Variants in HDAC8 observed in about 807,000 individuals in gnomAD.
The protein encoded by HDAC8 is histone deacetylase 8, also known as histone deacetylase-like 1.
Under a neutral mutation model 32.2 loss-of-function variants are expected in HDAC8, and 1 was observed. That is an observed-to-expected ratio of 0.03 (90% CI 0.01 to 0.15). The LOEUF is 0.15. HDAC8 is among the 10% of genes least tolerant of loss of function. The probability of loss-of-function intolerance (pLI) is 1.00; values close to 1 mark genes in which losing one functional copy is unlikely to be tolerated. For missense variants in HDAC8, 117 were observed against 300.0 expected (o/e 0.39, Z 4.51); for synonymous variants, 108 against 113.9 (o/e 0.95, Z 0.33).
intron 9 of HDAC8, among the ~76,000 whole-genome samples, chrX:72,373,312 ACTAT>A (rs1312947248): frequency 8.9e-6 from 1 of 112,010 alleles, no homozygotes; most frequent in African/African-American, 3.2e-5. Flanking sequence ...TTGTGCAACC[ACTAT>A]CTAATTCCAG....
At chrX:72,481,547 G>C (rs186335231) in intron 7 of HDAC8, among the ~76,000 whole-genome samples, 1 of 110,665 alleles carries the variant, frequency 9.0e-6, no homozygotes, top group Non-Finnish European at 1.9e-5. Context: ...ACATCACCAG[G>C]CCTAAAGGAG....
intron 10 of HDAC8, among the ~76,000 whole-genome samples, chrX:72,350,762 C>T (rs1400088271): frequency 8.9e-6 from 1 of 112,372 alleles, no homozygotes; most frequent in African/African-American, 3.2e-5. Context: ...ATGCTGAGGA[C>T]AGTGACCCCA....
intron 9 of HDAC8, among the ~76,000 whole-genome samples, chrX:72,454,336 G>T (rs1347388826): frequency 1.8e-5 from 2 of 110,888 alleles, no homozygotes; most frequent in African/African-American, 6.6e-5. Context: ...GGGATATAAG[G>T]GGTGTTGTCC....
intron 9 of HDAC8, among the ~76,000 whole-genome samples, chrX:72,433,846 G>A (rs912917891): frequency 1.4e-4 from 16 of 112,114 alleles, no homozygotes; most frequent in African/African-American, 5.2e-4. Flanking sequence ...CCTCTTCCTG[G>A]TTGTCAGGAT....
Position 72,557,603 on chromosome X carries a change from T to C in HDAC8, c.437+10286A>G, listed in dbSNP as rs188549787. Among the ~76,000 whole-genome samples, 34 of 110,564 alleles carry C rather than the reference T, an allele frequency of 3.1e-4. No homozygotes were observed. In the East Asian group the frequency reaches 8.6e-3, roughly 28 times the overall value. On this transcript the variant is annotated intron_variant, in intron 4 of 10. Coordinates refer to ENST00000373573, the MANE Select transcript of HDAC8 (RefSeq NM_018486.3). ...CTAAGGGGAAATGCCCCTTAGCAAA[T>C]GCATTGAATACCTACATTAAAAAGT...
chrX:72,411,139 C>A (rs782382304), intron 9 of HDAC8, among the ~76,000 whole-genome samples: 6 of 109,050 alleles, frequency 5.5e-5, no homozygotes, highest in African/African-American at 2.0e-4. Flanking sequence ...AATTCTCCTG[C>A]CTCAGCCTCC....
At chrX:72,383,126 C>T (rs782369611) in intron 9 of HDAC8, among the ~76,000 whole-genome samples, 1 of 112,090 alleles carries the variant, frequency 8.9e-6, no homozygotes, top group Non-Finnish European at 1.9e-5. Context: ...ATTCATTCAT[C>T]GAAAGTCTGC....
At chrX:72,441,996 A>C (rs2047167865) in intron 9 of HDAC8, among the ~76,000 whole-genome samples, 1 of 111,178 alleles carries the variant, frequency 9.0e-6, no homozygotes, top group Non-Finnish European at 1.9e-5. Context: ...AAAAGAATAA[A>C]AAGAAATGAA....
intron 9 of HDAC8, among the ~76,000 whole-genome samples, chrX:72,435,414 G>C (rs2046921408): frequency 1.8e-5 from 2 of 111,193 alleles, no homozygotes; most frequent in Admixed American, 9.5e-5. Context: ...ATTTGAATGA[G>C]AACAGACAAC....
Position 72,329,554 on chromosome X carries a change from A to G in HDAC8, c.*500T>C, listed in dbSNP as rs1555939376. 1.4e-6 allele frequency: 1 copy of G among 740,651 alleles called. No homozygotes were observed. Among genetic ancestry groups the G allele is most frequent in the African/African-American group, 2.2e-5 (1 of 45,906 alleles). 61.0% of individuals were successfully genotyped at this position (740,651 alleles called of 1,213,427 possible). A position where few individuals can be genotyped will look rare whatever the true frequency, so the allele number is the denominator to read the frequency against. On this transcript the variant is annotated 3_prime_UTR_variant, in exon 11 of 11. Transcript: ENST00000373573. ...ATTTTATTAAAAAAACCAAAGATAT[A>G]TAACACTAAAACAACACCAGCGGAC...
intron 9 of HDAC8, among the ~76,000 whole-genome samples, chrX:72,386,244 T>C (rs183699814): frequency 1.8e-5 from 2 of 111,499 alleles, no homozygotes; most frequent in Non-Finnish European, 1.9e-5. Flanking sequence ...AAAAAGCAGA[T>C]TGCAAAACAA....
intron 9 of HDAC8, among the ~76,000 whole-genome samples, chrX:72,391,103 G>C (rs182932321): frequency 8.0e-5 from 9 of 112,058 alleles, no homozygotes; most frequent in Admixed American, 7.6e-4. Context: ...GTATTAGCCA[G>C]TATCACTAAA....
chrX:72,355,231 G>A (rs1467669246), intron 9 of HDAC8, among the ~76,000 whole-genome samples: 4 of 112,202 alleles, frequency 3.6e-5, no homozygotes, highest in African/African-American at 9.7e-5. Flanking sequence ...TGTTGGAGTG[G>A]AGGGATTTGG....
At chrX:72,471,790 T>G (rs782814724) in intron 7 of HDAC8, among the ~76,000 whole-genome samples, 1 of 112,106 alleles carries the variant, frequency 8.9e-6, no homozygotes, top group East Asian at 2.8e-4. Context: ...ACTCCCATTC[T>G]GTGGGTTATC....
At chrX:72,427,602 T>TGGGGGG (rs58102359) in intron 9 of HDAC8, among the ~76,000 whole-genome samples, 25 of 32,960 alleles carry the variant, frequency 7.6e-4, no homozygotes, top group African/African-American at 1.1e-3. Context: ...TGTTGTGGGG[T>TGGGGGG]GGGGGGGGGG....
At chrX:72,388,782 T>C in intron 9 of HDAC8, among the ~76,000 whole-genome samples, 1 of 110,972 alleles carries the variant, frequency 9.0e-6, no homozygotes, top group Admixed American at 9.6e-5. Flanking sequence ...AAAATTAGTG[T>C]CCTTATGAGT....
At chrX:72,559,598 C>T (rs1308103584) in intron 4 of HDAC8, among the ~76,000 whole-genome samples, 3 of 107,321 alleles carry the variant, frequency 2.8e-5, no homozygotes, top group Non-Finnish European at 5.8e-5. Flanking sequence ...TGCCTCTTCC[C>T]GGCCGCCATC....
intron 4 of HDAC8, among the ~76,000 whole-genome samples, chrX:72,554,753 C>T (rs933865726): frequency 5.4e-5 from 6 of 111,865 alleles, no homozygotes; most frequent in African/African-American, 1.9e-4. Context: ...CTCAGACACA[C>T]ACCTACCCCT....
chrX:72,374,599 G>A lies in HDAC8; in HGVS notation c.1006-22761C>T, dbSNP rs782278275. On this transcript the variant is annotated intron_variant, in intron 9 of 10. Coordinates refer to ENST00000373573, the MANE Select transcript of HDAC8 (RefSeq NM_018486.3). ...AGGCAGGAGAATCGCTTGAGCCCGG[G>A]AGGCAGAGGTTGCAGTGAGCTGAGA... 2.7e-5 allele frequency among the ~76,000 whole-genome samples: 3 copies of A among 110,246 alleles called. No homozygotes were observed. The East Asian group carries it at 8.7e-4, about 32-fold the overall frequency.
Sources: gnomAD v4.1 joint callset for allele counts (sites outside exome capture counted in the v4.1 genomes callset) on GRCh38, gnomAD v4.1.1 for gene constraint, MANE v1.5 for transcripts, NCBI Gene and HGNC (gene_info 2026-07-23, HGNC 2026-07-21) for gene names.